Variants in CTNNA3 observed in about 807,000 individuals in gnomAD.
CTNNA3 encodes catenin alpha-3.
CTNNA3 carries 76 observed loss-of-function variants against 95.7 expected under a neutral mutation model. That is an observed-to-expected ratio of 0.79 (90% CI 0.66 to 0.96). The LOEUF is 0.96. Among genes scored for constraint, CTNNA3 ranks in the 40% least tolerant of loss-of-function variants. The probability of loss-of-function intolerance (pLI) is 0.00; values close to 1 mark genes in which losing one functional copy is unlikely to be tolerated. For missense variants in CTNNA3, 1,191 were observed against 1,089.8 expected, an observed-to-expected ratio of 1.09 and a Z score of -1.31; for synonymous variants, 431 against 374.4, an observed-to-expected ratio of 1.15 and a Z score of -1.74.
At chr10:66,616,214 C>A (rs776938870) in intron 10 of CTNNA3, among the ~76,000 whole-genome samples, 3 of 151,994 alleles carry the variant, frequency 2.0e-5, no homozygotes, top group African/African-American at 4.8e-5. Context: ...TGTTTGTGCC[C>A]CCCACAAAAT....
chr10:67,483,777 A>AAC lies in CTNNA3; in HGVS notation c.579+38064_579+38065insGT, dbSNP rs1564682812. ...GTATAATAATAAAAAAATAAAAATTAAAAAAAAAAACAAAAAAAAAACAAA... is the reference window on the plus strand; with the variant it reads ...GTATAATAATAAAAAAATAAAAATTAACAAAAAAAAAACAAAAAAAAAACAAA... On this transcript the variant is annotated intron_variant, in intron 5 of 17. Coordinates refer to ENST00000433211, the MANE Select transcript of CTNNA3 (RefSeq NM_013266.4). 3.2e-3 allele frequency among the ~76,000 whole-genome samples: 389 copies of AAC among 120,590 alleles called. 2 individuals carry two copies. The highest frequency in any genetic ancestry group is 0.012 in the African/African-American group (377 of 30,774). The allele number at this position is 120,590 out of a possible 152,430, so 79.1% of individuals were successfully genotyped here.
At chr10:66,306,971 A>C (rs1327568592) in intron 12 of CTNNA3, among the ~76,000 whole-genome samples, 1 of 152,168 alleles carries the variant, frequency 6.6e-6, no homozygotes, top group Non-Finnish European at 1.5e-5. Flanking sequence ...TACTAACAAC[A>C]AAAAAATTAG....
At chr10:67,070,787 A>T (rs1856406911) in intron 7 of CTNNA3, among the ~76,000 whole-genome samples, 1 of 151,762 alleles carries the variant, frequency 6.6e-6, no homozygotes. Context: ...ATCCTTGCCT[A>T]CTCCAGGGTT....
intron 9 of CTNNA3, among the ~76,000 whole-genome samples, chr10:66,760,187 C>T (rs745649966): frequency 2.6e-5 from 4 of 152,148 alleles, no homozygotes; most frequent in African/African-American, 4.8e-5. Context: ...ATAGTCCACA[C>T]GCAGGCTCTA....
intron 7 of CTNNA3, among the ~76,000 whole-genome samples, chr10:67,125,742 C>T (rs1278496837): frequency 2.6e-5 from 4 of 152,130 alleles, no homozygotes; most frequent in Admixed American, 2.0e-4. Context: ...TTTGTATGGC[C>T]TGGACAGAGT....
chr10:66,325,913 A>G (rs2092248268), intron 12 of CTNNA3, among the ~76,000 whole-genome samples: 1 of 152,130 alleles, frequency 6.6e-6, no homozygotes, highest in Non-Finnish European at 1.5e-5. Flanking sequence ...TTCATTCGAG[A>G]AGAAGGATTT....
chr10:66,042,042 AC>A (rs2079702403), intron 15 of CTNNA3, among the ~76,000 whole-genome samples: 1 of 152,096 alleles, frequency 6.6e-6, no homozygotes, highest in Admixed American at 6.6e-5. Flanking sequence ...CTCTGGCAAT[AC>A]CTAACTACTT....
At chr10:66,902,444 G>A (rs547982203) in intron 7 of CTNNA3, among the ~76,000 whole-genome samples, 9 of 152,104 alleles carry the variant, frequency 5.9e-5, no homozygotes, top group Admixed American at 3.9e-4. Context: ...ATACAAAATC[G>A]ACACCCTAAC....
chr10:67,320,100 A>C (rs897018377), intron 5 of CTNNA3, among the ~76,000 whole-genome samples: 3 of 152,100 alleles, frequency 2.0e-5, no homozygotes, highest in African/African-American at 7.2e-5. Context: ...CCCTTGATGG[A>C]AATATGAGGT....
chr10:66,541,363 T>A (rs940415691), intron 10 of CTNNA3, among the ~76,000 whole-genome samples: 1 of 152,184 alleles, frequency 6.6e-6, no homozygotes, highest in African/African-American at 2.4e-5. Flanking sequence ...CTGGATCATT[T>A]GCAAGAATAT....
In CTNNA3 at chr10:66,958,308, C is replaced by CAA. The variant is rs35076056; in HGVS notation, c.1048-182786_1048-182785dup. Among the ~76,000 whole-genome samples, 60 of 86,916 alleles carry CAA rather than the reference C, an allele frequency of 6.9e-4. 3 individuals are homozygous for CAA. The highest frequency in any genetic ancestry group is 1.4e-3 in the African/African-American group (33 of 24,444). 57.0% of individuals were successfully genotyped at this position (86,916 alleles called of 152,430 possible). ...TTTTTTTCCTCCACCTGCTTTCTTG[C>CAA]AAAAAAAAAAAAAAAAAAAAAAAAA... On this transcript the variant is annotated intron_variant, in intron 7 of 17. Transcript: ENST00000433211.
At chr10:67,474,768 T>G (rs978519324) in intron 5 of CTNNA3, among the ~76,000 whole-genome samples, 2 of 152,190 alleles carry the variant, frequency 1.3e-5, no homozygotes, top group African/African-American at 2.4e-5. Flanking sequence ...TTTAAAAGTC[T>G]TACTACAAAA....
At chr10:66,719,666 A>G (rs10997355) in intron 9 of CTNNA3, among the ~76,000 whole-genome samples, 5,677 of 152,236 alleles carry the variant, frequency 0.037, 232 homozygotes, top group East Asian at 0.22. Context: ...CAGCATGCCT[A>G]CAGTGGCCTT....
chr10:66,333,947 C>G (rs1379310975), intron 12 of CTNNA3, among the ~76,000 whole-genome samples: 1 of 152,056 alleles, frequency 6.6e-6, no homozygotes, highest in African/African-American at 2.4e-5. Flanking sequence ...GGATAGTTAG[C>G]TCTTCTTGTT....
At chr10:67,111,605 AT>A (rs1296541644) in intron 7 of CTNNA3, among the ~76,000 whole-genome samples, 1 of 152,040 alleles carries the variant, frequency 6.6e-6, no homozygotes, top group Non-Finnish European at 1.5e-5. Flanking sequence ...ATATATCAAG[AT>A]TATTTTTGTC....
At chr10:67,084,078 T>C (rs545277823) in intron 7 of CTNNA3, among the ~76,000 whole-genome samples, 92 of 152,198 alleles carry the variant, frequency 6.0e-4, no homozygotes, top group African/African-American at 2.2e-3. Context: ...AGTGTTTCCT[T>C]ATAAACAAGC....
chr10:66,754,992 C>A (rs1249297628), intron 9 of CTNNA3, among the ~76,000 whole-genome samples: 1 of 152,132 alleles, frequency 6.6e-6, no homozygotes, highest in Non-Finnish European at 1.5e-5. Context: ...AACAGTATAT[C>A]TACACACAAA....
chr10:67,145,654 C>T (rs1860804072), intron 7 of CTNNA3, among the ~76,000 whole-genome samples: 1 of 152,076 alleles, frequency 6.6e-6, no homozygotes, highest in African/African-American at 2.4e-5. Flanking sequence ...TGTTCTAGAA[C>T]TCCTGACCTC....
intron 13 of CTNNA3, among the ~76,000 whole-genome samples, chr10:66,255,696 A>G (rs1404022450): frequency 1.3e-5 from 2 of 152,120 alleles, no homozygotes; most frequent in African/African-American, 4.8e-5. Context: ...TACATAAGCC[A>G]CTAGTACAGA....
Sources: gnomAD v4.1 joint callset for allele counts (sites outside exome capture counted in the v4.1 genomes callset) on GRCh38, gnomAD v4.1.1 for gene constraint, MANE v1.5 for transcripts, NCBI Gene and HGNC (gene_info 2026-07-23, HGNC 2026-07-21) for gene names.